The following LSM14A variants were observed in gnomAD, a reference collection of about 807,000 sequenced individuals.
The protein encoded by LSM14A is protein LSM14 homolog A.
In LSM14A, 14 loss-of-function variants were observed where a neutral mutation model predicts 52.4. That is an observed-to-expected ratio of 0.27 (90% CI 0.18 to 0.42). The LOEUF (loss-of-function observed/expected upper bound fraction) is 0.42. LSM14A is among the 10% of genes least tolerant of loss of function. LSM14A has a pLI of 1.00. For missense variants in LSM14A, 417 were observed against 581.8 expected (o/e 0.72, Z 2.91); for synonymous variants, 185 against 200.3 (o/e 0.92, Z 0.64).
intron 1 of LSM14A, among the ~76,000 whole-genome samples, chr19:34,177,661 G>A (rs913051969): frequency 6.6e-6 from 1 of 152,120 alleles, no homozygotes; most frequent in Non-Finnish European, 1.5e-5. Flanking sequence ...GTCAAGGCCG[G>A]GGTATTGCTT....
intron 8 of LSM14A, among the ~76,000 whole-genome samples, chr19:34,220,918 A>T (rs2073015184): frequency 1.3e-5 from 2 of 151,916 alleles, no homozygotes; most frequent in Admixed American, 1.3e-4. Context: ...TACCAATCTC[A>T]TTATATCTGA....
At chr19:34,207,385 G>C (rs1308185610) in intron 3 of LSM14A, among the ~76,000 whole-genome samples, 2 of 152,098 alleles carry the variant, frequency 1.3e-5, no homozygotes, top group African/African-American at 4.8e-5. Context: ...TCTTGAAAGC[G>C]CTAGTCCCCA....
At chr19:34,204,713 T>C (rs201961293) in intron 3 of LSM14A, among the ~76,000 whole-genome samples, 1 of 152,164 alleles carries the variant, frequency 6.6e-6, no homozygotes, top group East Asian at 1.9e-4. Flanking sequence ...GCTAGACCTT[T>C]TCTCTAAAAA....
chr19:34,197,721 G>A (rs2070968533), intron 3 of LSM14A, among the ~76,000 whole-genome samples: 1 of 152,074 alleles, frequency 6.6e-6, no homozygotes, highest in Admixed American at 6.5e-5. Flanking sequence ...GATTACAGGC[G>A]TGAGCCACCA....
At chr19:34,202,474 C>T (rs2071371278) in intron 3 of LSM14A, among the ~76,000 whole-genome samples, 1 of 146,212 alleles carries the variant, frequency 6.8e-6, no homozygotes, top group Admixed American at 6.9e-5. Context: ...GCTTGGGAAA[C>T]AGAGCCAGAC....
intron 4 of LSM14A, among the ~76,000 whole-genome samples, chr19:34,210,816 C>A (rs1439761660): frequency 1.3e-5 from 2 of 151,798 alleles, no homozygotes; most frequent in Non-Finnish European, 2.9e-5. Flanking sequence ...AAGTGATCCA[C>A]CCACCTTGGC....
intron 3 of LSM14A, among the ~76,000 whole-genome samples, chr19:34,207,528 C>G (rs988683755): frequency 1.1e-4 from 17 of 150,512 alleles, no homozygotes; most frequent in African/African-American, 3.7e-4. Context: ...CTTTCTGAAG[C>G]CACATTTTTT....
rs372602717 is a variant in LSM14A at position 34,172,782 on chromosome 19, C to T, written c.121+19C>T. 8 of 1,563,862 alleles carry T rather than the reference C, an allele frequency of 5.1e-6. No individual in the cohort carries two copies. The highest frequency in any genetic ancestry group is 1.7e-4 in the Middle Eastern group (1 of 5,942). On this transcript the variant is annotated intron_variant, in intron 1 of 9. Coordinates refer to ENST00000544216, the MANE Select transcript of LSM14A (RefSeq NM_015578.4). Reference sequence around the variant, plus strand: ...GCCAAAGGTACGCGGGACCGGGCCTCAGGGTGGGGGCCGAGCCGGGCGCCG... The same window carrying T: ...GCCAAAGGTACGCGGGACCGGGCCTTAGGGTGGGGGCCGAGCCGGGCGCCG...
intron 9 of LSM14A, among the ~76,000 whole-genome samples, chr19:34,226,860 T>C (rs1392827614): frequency 6.6e-6 from 1 of 152,230 alleles, no homozygotes; most frequent in Non-Finnish European, 1.5e-5. Context: ...TTATTTCAGA[T>C]TTAAGAGTTA....
chr19:34,195,987 C>A (rs992102083), intron 2 of LSM14A, among the ~76,000 whole-genome samples: 7 of 152,160 alleles, frequency 4.6e-5, no homozygotes, highest in Non-Finnish European at 1.0e-4. Context: ...GTCCTGCCAT[C>A]AGTGAGTGTA....
intron 3 of LSM14A, among the ~76,000 whole-genome samples, chr19:34,198,787 C>T (rs1283581982): frequency 1.3e-5 from 2 of 151,854 alleles, no homozygotes; most frequent in African/African-American, 4.8e-5. Context: ...GAGATCGAGA[C>T]CATCCTGGCT....
At chr19:34,192,319 G>GTTGTTGTTTTTTTTTT (rs60512063) in intron 1 of LSM14A, among the ~76,000 whole-genome samples, 4 of 53,410 alleles carry the variant, frequency 7.5e-5, no homozygotes, top group African/African-American at 2.4e-4. Context: ...TCTTTTTGTT[G>GTTGTTGTTTTTTTTTT]TTTTTTTTTT....
intron 1 of LSM14A, among the ~76,000 whole-genome samples, chr19:34,173,143 C>A (rs1215668192): frequency 1.3e-5 from 2 of 152,246 alleles, no homozygotes; most frequent in Non-Finnish European, 2.9e-5. Flanking sequence ...AGCTTGAGTT[C>A]ATCGCGGATG....
intron 1 of LSM14A, among the ~76,000 whole-genome samples, chr19:34,176,678 T>C (rs2069110652): frequency 6.6e-6 from 1 of 152,252 alleles, no homozygotes; most frequent in African/African-American, 2.4e-5. Flanking sequence ...GCCATTGTTT[T>C]GGATATTGCA....
chr19:34,212,503 A>G (rs1371718206), intron 4 of LSM14A, among the ~76,000 whole-genome samples: 1 of 152,216 alleles, frequency 6.6e-6, no homozygotes, highest in East Asian at 1.9e-4. Context: ...ATTTTGAAGT[A>G]TGTGTTTATT....
intron 1 of LSM14A, among the ~76,000 whole-genome samples, chr19:34,189,851 C>G (rs1374376670): frequency 6.6e-6 from 1 of 152,074 alleles, no homozygotes; most frequent in African/African-American, 2.4e-5. Flanking sequence ...AATTTTTAAA[C>G]AAATAATTTG....
At chr19:34,176,062 C>T (rs2069069898) in intron 1 of LSM14A, among the ~76,000 whole-genome samples, 1 of 152,152 alleles carries the variant, frequency 6.6e-6, no homozygotes. Flanking sequence ...GTTGGCCAGG[C>T]TGGTCTCAAA....
intron 2 of LSM14A, among the ~76,000 whole-genome samples, chr19:34,196,418 T>C (rs2070842554): frequency 6.6e-6 from 1 of 152,248 alleles, no homozygotes; most frequent in Non-Finnish European, 1.5e-5. Flanking sequence ...GAAAAAAGTA[T>C]TTGTAAGTCA....
intron 6 of LSM14A, among the ~76,000 whole-genome samples, chr19:34,216,805 T>G (rs1330493940): frequency 6.6e-6 from 1 of 152,174 alleles, no homozygotes; most frequent in Non-Finnish European, 1.5e-5. Flanking sequence ...GCTAGAAGGA[T>G]TTGTTCGTTT....
Sources: gnomAD v4.1 joint callset for allele counts (sites outside exome capture counted in the v4.1 genomes callset) on GRCh38, gnomAD v4.1.1 for gene constraint, MANE v1.5 for transcripts, NCBI Gene and HGNC (gene_info 2026-07-23, HGNC 2026-07-21) for gene names.